MAPRE2: variants seen among roughly 807,000 people sequenced by gnomAD.
MAPRE2 encodes the protein microtubule associated protein RP/EB family member 2.
Under a neutral mutation model 43.2 loss-of-function variants are expected in MAPRE2, and 13 were observed. That is an observed-to-expected ratio of 0.30 (90% CI 0.20 to 0.48). MAPRE2 has a LOEUF of 0.48. Ranked by LOEUF, MAPRE2 falls within the 20% of genes least tolerant of loss-of-function variation. The probability of loss-of-function intolerance (pLI) is 0.99; values close to 1 mark genes in which losing one functional copy is unlikely to be tolerated. For synonymous variants in MAPRE2, 135 were observed against 148.8 expected (o/e 0.91, Z 0.68); for missense variants, 161 against 400.2 (o/e 0.40, Z 5.10).
chr18:35,039,786 T>G (rs1348558602), upstream of MAPRE2, among the ~76,000 whole-genome samples: 1 of 152,214 alleles, frequency 6.6e-6, no homozygotes, highest in East Asian at 1.9e-4. Flanking sequence ...AACCATACAG[T>G]GATGTGAAGG....
intron 4 of MAPRE2, among the ~76,000 whole-genome samples, chr18:35,111,979 A>G (rs1909195812): frequency 6.6e-6 from 1 of 152,172 alleles, no homozygotes; most frequent in Non-Finnish European, 1.5e-5. Flanking sequence ...TACAGTCCCC[A>G]GTCACTTATC....
chr18:35,057,820 T>C (rs116392880), intron 1 of MAPRE2, among the ~76,000 whole-genome samples: 190 of 152,238 alleles, frequency 1.2e-3, no homozygotes, highest in African/African-American at 4.4e-3. Flanking sequence ...AAAAGAAGTT[T>C]TGGGGACGAT....
chr18:35,087,674 G>A (rs1325513256), intron 2 of MAPRE2, among the ~76,000 whole-genome samples: 3 of 152,094 alleles, frequency 2.0e-5, no homozygotes, highest in Non-Finnish European at 4.4e-5. Context: ...ACCCACTTAT[G>A]CCAGGTACTG....
At chr18:34,977,436 A>G (rs1296363337) in intron 1 of MAPRE2, among the ~76,000 whole-genome samples, 1 of 152,152 alleles carries the variant, frequency 6.6e-6, no homozygotes, top group Admixed American at 6.5e-5. Context: ...CCAGGGTAGG[A>G]ACACGGCGTT....
rs768870305 is a variant in MAPRE2, at chr18:35,126,979, A to T, written c.642A>T (p.Pro214=). ...CTAAATCAAGTCCAGCAGCTAAACC[A>T]GGATCCACACCTTCTCGACCCTCAT... ...GAAKSSPAAK[P]GSTPSRPSSA... Residue 214 remains proline (P), a synonymous_variant, in exon 5 of 7, where the codon CCA becomes CCT. Transcript: ENST00000300249. 1.2e-5 allele frequency: 19 copies of T among 1,614,128 alleles called. 1 individual carries two copies. The South Asian group carries it at 2.0e-4, about 17-fold the overall frequency.
chr18:35,093,451 A>G (rs180956354), intron 2 of MAPRE2, among the ~76,000 whole-genome samples: 1 of 152,290 alleles, frequency 6.6e-6, no homozygotes, highest in African/African-American at 2.4e-5. Flanking sequence ...AGTATGCCCA[A>G]GAGATATCTG....
At chr18:35,137,236 C>G (rs1910430853) in intron 6 of MAPRE2, among the ~76,000 whole-genome samples, 1 of 152,212 alleles carries the variant, frequency 6.6e-6, no homozygotes, top group African/African-American at 2.4e-5. Context: ...ACAGTTCCTG[C>G]AGATGCATGA....
At chr18:35,012,933 G>T (rs2097035699) in intron 2 of MAPRE2, among the ~76,000 whole-genome samples, 1 of 152,266 alleles carries the variant, frequency 6.6e-6, no homozygotes, top group Non-Finnish European at 1.5e-5. Context: ...ATGTGAAAGT[G>T]AGAGAGATGA....
intron 2 of MAPRE2, among the ~76,000 whole-genome samples, chr18:35,091,154 A>C (rs753562890): frequency 7.2e-5 from 11 of 152,250 alleles, no homozygotes; most frequent in Non-Finnish European, 1.3e-4. Flanking sequence ...TCTCTAATCC[A>C]AAAATCATAA....
chr18:35,064,642 T>TAA (rs1169448718), intron 1 of MAPRE2, among the ~76,000 whole-genome samples: 2 of 152,158 alleles, frequency 1.3e-5, no homozygotes, highest in African/African-American at 4.8e-5. Context: ...GCAGAACTGG[T>TAA]AAAGGTGGTA....
chr18:35,053,668 A>G (rs1327949061), intron 1 of MAPRE2, among the ~76,000 whole-genome samples: 1 of 152,148 alleles, frequency 6.6e-6, no homozygotes, highest in African/African-American at 2.4e-5. Context: ...GAAAGTGTGC[A>G]TAGAAAATTT....
At chr18:35,005,417 T>C (rs2097031384) in intron 1 of MAPRE2, 1 of 944,328 alleles carries the variant, frequency 1.1e-6, no homozygotes, top group African/African-American at 1.7e-5. Flanking sequence ...TAAACTAAAT[T>C]ATAACTCTTT....
chr18:35,017,512 T>G (rs2150585953), intron 2 of MAPRE2, among the ~76,000 whole-genome samples: 1 of 151,916 alleles, frequency 6.6e-6, no homozygotes, highest in Non-Finnish European at 1.5e-5. Context: ...CTTGTAGAGA[T>G]CTTTCAACTT....
intron 1 of MAPRE2, among the ~76,000 whole-genome samples, chr18:35,069,938 T>C (rs1603397402): frequency 6.6e-6 from 1 of 152,350 alleles, no homozygotes; most frequent in East Asian, 1.9e-4. Flanking sequence ...CTAAATTGTG[T>C]TATAAATTAG....
chr18:35,000,955 A>G (rs1482428543), intron 1 of MAPRE2, among the ~76,000 whole-genome samples: 1 of 152,096 alleles, frequency 6.6e-6, no homozygotes, highest in Non-Finnish European at 1.5e-5. Context: ...TCCACTCCAT[A>G]CACGTACCTG....
At chr18:35,018,525 G>A (rs2150586467) in intron 2 of MAPRE2, among the ~76,000 whole-genome samples, 1 of 151,298 alleles carries the variant, frequency 6.6e-6, no homozygotes, top group South Asian at 2.1e-4. Context: ...TCTGCTCAGG[G>A]TTTCGATTTC....
At chr18:35,117,116 C>A (rs1909446870) in intron 4 of MAPRE2, among the ~76,000 whole-genome samples, 1 of 152,058 alleles carries the variant, frequency 6.6e-6, no homozygotes, top group Non-Finnish European at 1.5e-5. Context: ...ATACAGTCAG[C>A]AAAATTGGAT....
chr18:35,079,096 G>A (rs1003327203), intron 2 of MAPRE2, among the ~76,000 whole-genome samples: 2 of 152,170 alleles, frequency 1.3e-5, no homozygotes, highest in African/African-American at 4.8e-5. Flanking sequence ...ACAACAACCA[G>A]GATGATGCCT....
intron 5 of MAPRE2, among the ~76,000 whole-genome samples, chr18:35,130,780 G>C (rs142093683): frequency 9.2e-5 from 14 of 152,304 alleles, no homozygotes; most frequent in African/African-American, 3.4e-4. Flanking sequence ...GTTTGGGCCT[G>C]AGTGTAGCTG....
Sources: gnomAD v4.1 joint callset for allele counts (sites outside exome capture counted in the v4.1 genomes callset) on GRCh38, gnomAD v4.1.1 for gene constraint, MANE v1.5 for transcripts, NCBI Gene and HGNC (gene_info 2026-07-23, HGNC 2026-07-21) for gene names.